Variants in TBC1D23 observed in about 807,000 individuals in gnomAD.
TBC1D23 encodes the protein TBC1 domain family member 23.
TBC1D23 carries 55 observed loss-of-function variants against 91.4 expected under a neutral mutation model. That is an observed-to-expected ratio of 0.60 (90% CI 0.48 to 0.75). The LOEUF (loss-of-function observed/expected upper bound fraction) is 0.75. Ranked by LOEUF, TBC1D23 falls within the 30% of genes least tolerant of loss-of-function variation. The pLI is 0.00. For synonymous variants in TBC1D23, 289 were observed against 281.0 expected (o/e 1.03, Z -0.28); for missense variants, 725 against 836.1 (o/e 0.87, Z 1.64).
intron 1 of TBC1D23, among the ~76,000 whole-genome samples, chr3:100,264,797 T>C (rs963944195): frequency 6.6e-6 from 1 of 152,204 alleles, no homozygotes; most frequent in Non-Finnish European, 1.5e-5. Context: ...CTCTATGACA[T>C]TGTTTTTGCT....
At chr3:100,317,640 T>C (rs757148546) in intron 16 of TBC1D23, among the ~76,000 whole-genome samples, 8 of 152,198 alleles carry the variant, frequency 5.3e-5, no homozygotes, top group Non-Finnish European at 1.0e-4. Flanking sequence ...GTAAATGTGA[T>C]ATTTCTGCTT....
At chr3:100,272,459 A>G (rs895694356) in intron 1 of TBC1D23, among the ~76,000 whole-genome samples, 1 of 152,120 alleles carries the variant, frequency 6.6e-6, no homozygotes, top group Admixed American at 6.6e-5. Context: ...GATAGGAAGA[A>G]TTAATATTGT....
rs552309925 is a variant in TBC1D23 at position 100,303,270 on chromosome 3, T to C, written c.1263+1033T>C. Among the ~76,000 whole-genome samples the C allele has an allele frequency of 1.5e-3, 232 of 152,358 alleles. 1 individual carries two copies. Among genetic ancestry groups the C allele is most frequent in the African/African-American group, 5.3e-3 (220 of 41,582 alleles). On this transcript the variant is annotated intron_variant, in intron 11 of 18. Coordinates refer to ENST00000394144, the MANE Select transcript of TBC1D23 (RefSeq NM_001199198.3). ...CTCAATTTGGATTCATTTCTATTTA[T>C]GTTGTATTTTACTGGGAATCTGGTT...
At position 100,324,875 on chromosome 3, in the gene TBC1D23, G is replaced by A. The variant is rs1157421415; in HGVS notation, c.*1207G>A. The A allele has an allele frequency of 3.3e-5, 5 of 152,274 alleles. No homozygotes were observed. In the East Asian group the frequency reaches 9.7e-4, roughly 29 times the overall value. 9.4% of individuals were successfully genotyped at this position (152,274 alleles called of 1,614,324 possible). ...AAATGTAAGGGATTATCTCTAAGGG[G>A]TTGATGGGAGAAATATTTAGATGTA... On this transcript the variant is annotated 3_prime_UTR_variant, in exon 19 of 19. Coordinates refer to ENST00000394144, the MANE Select transcript of TBC1D23 (RefSeq NM_001199198.3).
At chr3:100,265,045 C>T (rs2067546873) in intron 1 of TBC1D23, among the ~76,000 whole-genome samples, 1 of 152,066 alleles carries the variant, frequency 6.6e-6, no homozygotes, top group African/African-American at 2.4e-5. Flanking sequence ...ATGAGTAGGT[C>T]AGAGGAATTT....
intron 13 of TBC1D23, among the ~76,000 whole-genome samples, chr3:100,308,565 A>G (rs1204142315): frequency 6.6e-6 from 1 of 152,210 alleles, no homozygotes; most frequent in Non-Finnish European, 1.5e-5. Flanking sequence ...AATCACCTGT[A>G]GCTGTTACCA....
chr3:100,304,253 G>GT (rs1468274492), intron 11 of TBC1D23, among the ~76,000 whole-genome samples: 1 of 152,112 alleles, frequency 6.6e-6, no homozygotes, highest in African/African-American at 2.4e-5. Flanking sequence ...GGTATTTTCT[G>GT]TAAGCCAGTA....
chr3:100,309,316 A>G (rs761224148), intron 13 of TBC1D23, among the ~76,000 whole-genome samples: 2 of 152,240 alleles, frequency 1.3e-5, no homozygotes, highest in Non-Finnish European at 2.9e-5. Context: ...ATATTTAAAA[A>G]TGTAGCTGCA....
chr3:100,285,164 A>G (rs2067729387), intron 4 of TBC1D23, among the ~76,000 whole-genome samples: 1 of 152,210 alleles, frequency 6.6e-6, no homozygotes, highest in Non-Finnish European at 1.5e-5. Flanking sequence ...CACCATTTTA[A>G]TGTGTACAAT....
chr3:100,320,803 T>TA lies in TBC1D23; in HGVS notation c.1850_1851insA (p.Met617IlefsTer27). 6.3e-7 allele frequency: 1 copy of TA among 1,596,440 alleles called. No individual in the cohort carries two copies. The highest frequency in any genetic ancestry group is 1.3e-5 in the African/African-American group (1 of 74,098). ...CATCTGTTGGTTACTGCAACACATA[T>TA]GTACTGTTTAAGGGAGATTGTTTCA... On this transcript the variant is annotated frameshift_variant, in exon 18 of 19. Coordinates refer to ENST00000394144, the MANE Select transcript of TBC1D23 (RefSeq NM_001199198.3). LOFTEE classifies it high-confidence loss of function.
rs1257038939 is a variant in TBC1D23 at position 100,281,763 on chromosome 3, A to G, written c.187A>G (p.Lys63Glu). 1 of 1,612,442 alleles carries G rather than the reference A, an allele frequency of 6.2e-7. No homozygotes were observed. The highest frequency in any genetic ancestry group is 8.5e-7 in the Non-Finnish European group (1 of 1,178,856). ...VWKIALNVAG[K>E]GDSLASWDGI... ...CCAGATTGCTCTGAATGTTGCAGGA[A>G]AAGGTGATAGTTTGGCATCATGGGA... The change falls in exon 3 of 19, where the codon AAA becomes GAA. Residue 63 changes from lysine to glutamate, a missense_variant. Coordinates refer to ENST00000394144, the MANE Select transcript of TBC1D23 (RefSeq NM_001199198.3).
chr3:100,275,584 G>T (rs920027117), intron 1 of TBC1D23, among the ~76,000 whole-genome samples: 1 of 152,116 alleles, frequency 6.6e-6, no homozygotes, highest in African/African-American at 2.4e-5. Context: ...CCTGGTTTGG[G>T]TTTAGTTTTT....
At chr3:100,277,122 A>G (rs2067654739) in intron 1 of TBC1D23, among the ~76,000 whole-genome samples, 1 of 152,220 alleles carries the variant, frequency 6.6e-6, no homozygotes, top group African/African-American at 2.4e-5. Context: ...TTAGAATTGT[A>G]TTACTTGTTT....
chr3:100,320,994 AT>A, intron 18 of TBC1D23, 23 bp downstream of exon 18: 1 of 1,510,940 alleles, frequency 6.6e-7, no homozygotes, highest in South Asian at 1.2e-5. Flanking sequence ...TTAAGATAAT[AT>A]TATCTGAATT....
At chr3:100,295,626 C>A (rs1394700959) in intron 7 of TBC1D23, among the ~76,000 whole-genome samples, 2 of 152,092 alleles carry the variant, frequency 1.3e-5, no homozygotes, top group Non-Finnish European at 2.9e-5. Flanking sequence ...CTCCTCTGTT[C>A]CTCCCTACCC....
intron 16 of TBC1D23, 122 bp from the exon 17 acceptor site, chr3:100,318,947 C>T: frequency 1.7e-6 from 1 of 602,180 alleles, no homozygotes; most frequent in African/African-American, 1.9e-5. Context: ...GTCACTGTGC[C>T]CAGGCTGTTT....
Position 100,298,016 on chromosome 3 carries a change from G to T in TBC1D23, c.970G>T (p.Glu324Ter). The change falls in exon 9 of 19, where the codon GAG becomes TAG. Residue 324 changes from glutamate (E) to a stop codon, truncating the protein, a stop_gained. Transcript: ENST00000394144. LOFTEE classifies it high-confidence loss of function. Reference protein sequence around the residue: ...QALCLAISVSEILQANQLQGE... With the variant: ...QALCLAISVS ...TCTTTGTCTGGCCATCTCCGTGTCA[G>T]AGATCCTTCAAGCGAATCAGCTACA... is the stretch of plus-strand genomic sequence containing the variant. 1 of 1,613,690 alleles carries T rather than the reference G, an allele frequency of 6.2e-7. No individual in the cohort carries two copies. Among genetic ancestry groups the T allele is most frequent in the Non-Finnish European group, 8.5e-7 (1 of 1,179,804 alleles).
At chr3:100,312,877 G>A (rs1705651538) in intron 15 of TBC1D23, among the ~76,000 whole-genome samples, 1 of 151,970 alleles carries the variant, frequency 6.6e-6, no homozygotes, top group Admixed American at 6.6e-5. Flanking sequence ...CTTTCAGCCG[G>A]GCGCAATGGC....
intron 1 of TBC1D23, among the ~76,000 whole-genome samples, chr3:100,278,521 A>T (rs1216357706): frequency 6.6e-6 from 1 of 151,644 alleles, no homozygotes; most frequent in African/African-American, 2.4e-5. Context: ...AGTAGCTGGG[A>T]TTACAGGGAC....
Sources: allele counts gnomAD v4.1 joint callset (sites outside exome capture counted in the v4.1 genomes callset), GRCh38; gene constraint gnomAD v4.1.1; transcripts MANE v1.5; gene names NCBI Gene and HGNC (gene_info 2026-07-23, HGNC 2026-07-21).